The following MMS22L variants were observed in gnomAD, a reference collection of about 807,000 sequenced individuals.
The protein encoded by MMS22L is MMS22 like, DNA repair protein.
Under a neutral mutation model 159.1 loss-of-function variants are expected in MMS22L, and 74 were observed. The observed-to-expected ratio is 0.47, with a 90% CI of 0.39 to 0.56. The LOEUF (loss-of-function observed/expected upper bound fraction) is 0.56. Ranked by LOEUF, MMS22L falls within the 20% of genes least tolerant of loss-of-function variation. The probability of loss-of-function intolerance (pLI) is 0.00; values close to 1 mark genes in which losing one functional copy is unlikely to be tolerated. For synonymous variants in MMS22L, 517 were observed against 506.9 expected, an observed-to-expected ratio of 1.02 and a Z score of -0.27; for missense variants, 1,351 against 1,422.1, an observed-to-expected ratio of 0.95 and a Z score of 0.80.
chr6:97,206,377 G>A (rs1040777974), intron 14 of MMS22L, among the ~76,000 whole-genome samples: 39 of 100,890 alleles, frequency 3.9e-4, no homozygotes, highest in African/African-American at 1.3e-3. Flanking sequence ...CCTGAACCTC[G>A]CATGTACACA....
intron 14 of MMS22L, among the ~76,000 whole-genome samples, chr6:97,224,693 G>T (rs573060095): frequency 2.0e-5 from 3 of 151,014 alleles, no homozygotes; most frequent in African/African-American, 7.3e-5. Context: ...ATAATTTCAG[G>T]TTTGCAAATA....
intron 17 of MMS22L, among the ~76,000 whole-genome samples, chr6:97,179,204 G>C (rs755082382): frequency 1.3e-5 from 2 of 151,994 alleles, no homozygotes; most frequent in African/African-American, 4.8e-5. Flanking sequence ...AGAGAAGTTT[G>C]TCATATATAG....
intron 9 of MMS22L, among the ~76,000 whole-genome samples, chr6:97,257,109 C>T (rs1813897113): frequency 6.6e-6 from 1 of 152,112 alleles, no homozygotes; most frequent in Admixed American, 6.6e-5. Context: ...GATTAGCTTT[C>T]ACTAACATTT....
At chr6:97,203,418 A>C (rs1807393585) in intron 14 of MMS22L, among the ~76,000 whole-genome samples, 2 of 152,170 alleles carry the variant, frequency 1.3e-5, no homozygotes, top group Admixed American at 1.3e-4. Context: ...CAATTCTACA[A>C]CATGCTGAGG....
intron 11 of MMS22L, among the ~76,000 whole-genome samples, chr6:97,239,550 C>T (rs1394916752): frequency 6.6e-6 from 1 of 152,116 alleles, no homozygotes; most frequent in African/African-American, 2.4e-5. Context: ...ACTAAAACTC[C>T]ACCTCTGTTT....
rs558312189 is a variant in MMS22L at position 97,257,459 on chromosome 6, C to CT, written c.943-2727dup. Among the ~76,000 whole-genome samples, 415 of 152,058 alleles carry CT rather than the reference C, an allele frequency of 2.7e-3. 1 individual carries two copies. Among genetic ancestry groups the CT allele is most frequent in the African/African-American group, 9.7e-3 (403 of 41,508 alleles). Reference sequence around the variant, plus strand: ...TTTGTCTGACATTACACATTTTATTCTTTTTTTGTGGGGGGAGAGGGTCTC... The same window carrying CT: ...TTTGTCTGACATTACACATTTTATTCTTTTTTTTGTGGGGGGAGAGGGTCTC... On this transcript the variant is annotated intron_variant, in intron 9 of 24. Transcript: ENST00000683635.
At chr6:97,241,453 C>T (rs867316157) in intron 11 of MMS22L, among the ~76,000 whole-genome samples, 2 of 152,176 alleles carry the variant, frequency 1.3e-5, no homozygotes, top group African/African-American at 4.8e-5. Context: ...CAAATCCACA[C>T]CAACATCTAT....
In MMS22L at chr6:97,281,359, C is replaced by T. The variant is rs2128104587; in HGVS notation, c.168G>A (p.Leu56=). 1 of 1,592,928 alleles carries T rather than the reference C, an allele frequency of 6.3e-7. No individual in the cohort carries two copies. Among genetic ancestry groups the T allele is most frequent in the Middle Eastern group, 1.7e-4 (1 of 5,970 alleles). ...TTGGTAAAGGGTCAAGATTCAAAAT[C>T]AATCTGAAATGAAAATTGTTTCAAT... ...SYLCSGALKR[L]ILNLDPLPTN... The change falls in exon 3 of 25, where the codon TTG becomes TTA. Residue 56 remains leucine (L), a synonymous_variant. Transcript: ENST00000683635.
At chr6:97,197,067 AT>A in intron 14 of MMS22L, among the ~76,000 whole-genome samples, 1 of 152,276 alleles carries the variant, frequency 6.6e-6, no homozygotes, top group South Asian at 2.1e-4. Flanking sequence ...CACAAAAAAA[AT>A]AAAAATTTTC....
At chr6:97,258,254 G>A (rs2128065149) in intron 9 of MMS22L, among the ~76,000 whole-genome samples, 1 of 152,200 alleles carries the variant, frequency 6.6e-6, no homozygotes, top group South Asian at 2.1e-4. Context: ...AGACCTTAAG[G>A]CTGACTCTCA....
chr6:97,211,680 T>C (rs1582632899), intron 14 of MMS22L, among the ~76,000 whole-genome samples: 2 of 152,150 alleles, frequency 1.3e-5, no homozygotes, highest in African/African-American at 4.8e-5. Context: ...TTTTCTTCTA[T>C]TCCCATTCTC....
intron 16 of MMS22L, among the ~76,000 whole-genome samples, chr6:97,180,716 A>G (rs1392294579): frequency 6.6e-6 from 1 of 152,202 alleles, no homozygotes; most frequent in Non-Finnish European, 1.5e-5. Context: ...TTATTTCAGC[A>G]AAAGTCTTTA....
At chr6:97,209,374 T>A (rs778624709) in intron 14 of MMS22L, among the ~76,000 whole-genome samples, 7 of 152,020 alleles carry the variant, frequency 4.6e-5, no homozygotes, top group Non-Finnish European at 8.8e-5. Flanking sequence ...TGTGCTATCA[T>A]ATACTCCAAC....
At chr6:97,165,760 T>C (rs887122877) in intron 20 of MMS22L, among the ~76,000 whole-genome samples, 1 of 152,110 alleles carries the variant, frequency 6.6e-6, no homozygotes, top group African/African-American at 2.4e-5. Context: ...CACTTGAACA[T>C]CTTGCTCATC....
intron 14 of MMS22L, among the ~76,000 whole-genome samples, chr6:97,212,674 A>C (rs1808515571): frequency 2.0e-5 from 3 of 152,248 alleles, no homozygotes; most frequent in African/African-American, 7.2e-5. Flanking sequence ...TGAAGACTAC[A>C]GTGAAAGAGC....
intron 18 of MMS22L, among the ~76,000 whole-genome samples, chr6:97,174,714 C>G (rs931547442): frequency 6.6e-6 from 1 of 152,020 alleles, no homozygotes; most frequent in Non-Finnish European, 1.5e-5. Flanking sequence ...GGTTTAGTCA[C>G]GGAAGTGGGT....
intron 14 of MMS22L, among the ~76,000 whole-genome samples, chr6:97,201,925 GAT>G (rs1469608900): frequency 1.3e-5 from 2 of 152,172 alleles, no homozygotes; most frequent in Non-Finnish European, 2.9e-5. Flanking sequence ...ATGTGTTTAA[GAT>G]AAATATCAGT....
At chr6:97,223,538 A>G (rs981807940) in intron 14 of MMS22L, among the ~76,000 whole-genome samples, 2 of 152,156 alleles carry the variant, frequency 1.3e-5, no homozygotes, top group African/African-American at 4.8e-5. Context: ...AGTATATGGC[A>G]TATCTAAAAA....
chr6:97,161,986 A>C lies in MMS22L; in HGVS notation c.3385+16T>G. On this transcript the variant is annotated intron_variant, in intron 22 of 24. Coordinates refer to ENST00000683635, the MANE Select transcript of MMS22L (RefSeq NM_001350599.2). ...GTAAAAAGAAAATGGTAACAAAAAT[A>C]AGCTTACAAACAAACCTTGTGGTTC... 1 of 1,597,068 alleles carries C rather than the reference A, an allele frequency of 6.3e-7. No individual in the cohort carries two copies. Among genetic ancestry groups the C allele is most frequent in the Non-Finnish European group, 8.5e-7 (1 of 1,175,212 alleles).
Sources: allele counts gnomAD v4.1 joint callset (sites outside exome capture counted in the v4.1 genomes callset), GRCh38; gene constraint gnomAD v4.1.1; transcripts MANE v1.5; gene names NCBI Gene and HGNC (gene_info 2026-07-23, HGNC 2026-07-21).